The following ARMC2 variants were observed in gnomAD, a reference collection of about 807,000 sequenced individuals.
ARMC2 encodes the protein armadillo repeat containing 2.
ARMC2 carries 67 observed loss-of-function variants against 90.3 expected under a neutral mutation model. The observed-to-expected ratio is 0.74, with a 90% CI of 0.61 to 0.91. The LOEUF is 0.91. Among genes scored for constraint, ARMC2 ranks in the 40% least tolerant of loss-of-function variants. The pLI is 0.00. For synonymous variants in ARMC2, 393 were observed against 393.0 expected (o/e 1.00, Z 0.00); for missense variants, 920 against 1,030.9 (o/e 0.89, Z 1.47).
chr6:108,888,133 C>A (rs551472385), intron 5 of ARMC2, among the ~76,000 whole-genome samples: 1 of 152,152 alleles, frequency 6.6e-6, no homozygotes, highest in South Asian at 2.1e-4. Context: ...TCCAGACAAG[C>A]GAACACTCAC....
In ARMC2 at chr6:108,910,207, T is replaced by C. The variant is rs529076481; in HGVS notation, c.1024-692T>C. Among the ~76,000 whole-genome samples the C allele has an allele frequency of 2.6e-5, 4 of 152,248 alleles. No individual in the cohort carries two copies. In the East Asian group the frequency reaches 7.7e-4, roughly 29 times the overall value. ...TTGGCTGGGCGTGGTGGCTCACACT[T>C]GTAATCTCAACACTGGGAGGCTGAG... On this transcript the variant is annotated intron_variant, in intron 8 of 17. Transcript: ENST00000392644.
chr6:108,972,215 A>T (rs1778813801), intron 17 of ARMC2, among the ~76,000 whole-genome samples: 1 of 152,214 alleles, frequency 6.6e-6, no homozygotes, highest in Admixed American at 6.5e-5. Flanking sequence ...GATTGAATAT[A>T]TTTATGGTGT....
intron 12 of ARMC2, among the ~76,000 whole-genome samples, chr6:108,942,821 T>A (rs1456113279): frequency 6.6e-6 from 1 of 152,196 alleles, no homozygotes; most frequent in Non-Finnish European, 1.5e-5. Flanking sequence ...AGCATAGGTT[T>A]CATTTTTCTA....
the ARMC2 span, among the ~76,000 whole-genome samples, chr6:109,032,932 G>A: frequency 6.6e-6 from 1 of 152,130 alleles, no homozygotes; most frequent in Admixed American, 6.5e-5. Context: ...AGAGCACAGT[G>A]CCTTGTAAGA....
chr6:108,894,702 A>G (rs1055556634), intron 6 of ARMC2, among the ~76,000 whole-genome samples, 159 bp downstream of exon 6: 2 of 151,876 alleles, frequency 1.3e-5, no homozygotes, highest in African/African-American at 4.8e-5. Flanking sequence ...ATATTCATAC[A>G]ATGTTACCAT....
chr6:108,951,591 A>AT lies in ARMC2; in HGVS notation c.1597-1436dup, dbSNP rs1777181920. ...AGTGAGTGTCAGGGAAAACTTTTGG[A>AT]TTTTTTAGCAAGAACAAGCAGGAAC... On this transcript the variant is annotated intron_variant, in intron 12 of 17. Coordinates refer to ENST00000392644, the MANE Select transcript of ARMC2 (RefSeq NM_032131.6). Among the ~76,000 whole-genome samples the AT allele has an allele frequency of 3.3e-5, 5 of 152,104 alleles. No individual in the cohort carries two copies. In the South Asian group the frequency reaches 1.0e-3, roughly 32 times the overall value.
the ARMC2 span, chr6:108,990,644 C>A: frequency 6.2e-7 from 1 of 1,613,738 alleles, no homozygotes; most frequent in Non-Finnish European, 8.5e-7. Flanking sequence ...AGAAGACTAA[C>A]CTTATTCCAA....
downstream of ARMC2, among the ~76,000 whole-genome samples, chr6:108,979,351 C>T (rs12202463): frequency 0.1 from 15,253 of 152,150 alleles, 899 homozygotes; most frequent in Middle Eastern, 0.19. Context: ...GCGTTTCTGC[C>T]GAGAGATCCG....
At chr6:108,980,628 C>T in the ARMC2 span, among the ~76,000 whole-genome samples, 1 of 152,152 alleles carries the variant, frequency 6.6e-6, no homozygotes, top group Non-Finnish European at 1.5e-5. Context: ...TGTGCTCTGT[C>T]CCAGGGAGAT....
At chr6:109,026,456 C>T in the ARMC2 span, among the ~76,000 whole-genome samples, 1 of 152,100 alleles carries the variant, frequency 6.6e-6, no homozygotes, top group South Asian at 2.1e-4. Flanking sequence ...CTTTAATTTC[C>T]CTTGGCTTGG....
rs142750558 is a variant in ARMC2, at chr6:108,861,430, T to C, written c.291+3159T>C. ...ACAAGGACAGTCTCCTACATAACCA[T>C]GATACCATCATCATAGCTCAGAAAA... is the stretch of plus-strand genomic sequence containing the variant. On this transcript the variant is annotated intron_variant, in intron 3 of 17. Coordinates refer to ENST00000392644, the MANE Select transcript of ARMC2 (RefSeq NM_032131.6). Among the ~76,000 whole-genome samples the C allele has an allele frequency of 4.1e-3, 622 of 152,364 alleles. 2 individuals are homozygous for C. The highest frequency in any genetic ancestry group is 0.014 in the African/African-American group (583 of 41,582).
chr6:108,919,963 G>A (rs1013348773), intron 10 of ARMC2, among the ~76,000 whole-genome samples: 1 of 151,984 alleles, frequency 6.6e-6, no homozygotes, highest in East Asian at 1.9e-4. Context: ...AAATAGTACC[G>A]AGATGTCCTG....
rs537890359 is a variant in ARMC2 at position 108,861,742 on chromosome 6, G to A, written c.291+3471G>A. On this transcript the variant is annotated intron_variant, in intron 3 of 17. Transcript: ENST00000392644. ...CAGCTACAGCCTGAGGACCCAGTTC[G>A]GCAGCTCGGTGGCTCTACCTTATTG... Among the ~76,000 whole-genome samples the A allele has an allele frequency of 2.0e-3, 302 of 152,254 alleles. 3 individuals carry two copies. The highest frequency in any genetic ancestry group is 2.7e-3 in the Non-Finnish European group (182 of 68,010).
rs536221450 is a variant in ARMC2, at chr6:108,880,695, T to C, written c.671+4345T>C. 8.6e-5 allele frequency among the ~76,000 whole-genome samples: 13 copies of C among 151,902 alleles called. No homozygotes were observed. The South Asian group carries it at 2.5e-3, about 29-fold the overall frequency. On this transcript the variant is annotated intron_variant, in intron 5 of 17. Transcript: ENST00000392644. ...CCTTTTTCTTTCTCCTTCCTTCCTT[T>C]CTTTTTCTTCTCTCCTTCCTTCCTT...
At chr6:108,977,121 A>G (rs924190416), downstream of ARMC2, among the ~76,000 whole-genome samples, 13 of 152,162 alleles carry the variant, frequency 8.5e-5, no homozygotes, top group African/African-American at 2.7e-4. Context: ...CCCATTCAGT[A>G]TGATATTGCC....
chr6:109,028,122 T>G, the ARMC2 span, among the ~76,000 whole-genome samples: 1 of 151,692 alleles, frequency 6.6e-6, no homozygotes, highest in Non-Finnish European at 1.5e-5. Flanking sequence ...ATAAGAAACC[T>G]TTGCCTACCC....
the ARMC2 span, chr6:109,001,635 T>C: frequency 1.9e-5 from 13 of 693,548 alleles, no homozygotes; most frequent in African/African-American, 2.3e-4. Context: ...ACTCAACTGG[T>C]TGAAAGATAC....
At chr6:108,946,969 G>C (rs1325867862) in intron 12 of ARMC2, among the ~76,000 whole-genome samples, 1 of 152,208 alleles carries the variant, frequency 6.6e-6, no homozygotes, top group African/African-American at 2.4e-5. Flanking sequence ...AAGTGGTTGC[G>C]TGGGGCCAGA....
At chr6:108,867,722 G>A (rs1239675297) in intron 3 of ARMC2, among the ~76,000 whole-genome samples, 3 of 152,028 alleles carry the variant, frequency 2.0e-5, no homozygotes, top group African/African-American at 7.3e-5. Context: ...GGTGAGCCAA[G>A]ATCGTGCCAT....
Sources: allele counts gnomAD v4.1 joint callset (sites outside exome capture counted in the v4.1 genomes callset), GRCh38; gene constraint gnomAD v4.1.1; transcripts MANE v1.5; gene names NCBI Gene and HGNC (gene_info 2026-07-23, HGNC 2026-07-21).